The following GLCCI1 variants were observed in gnomAD, a reference collection of about 807,000 sequenced individuals.
GLCCI1 encodes the protein glucocorticoid-induced transcript 1 protein.
A neutral mutation model predicts 52.2 loss-of-function variants in GLCCI1; 24 were observed. The ratio of observed to expected loss-of-function variants is 0.46; its 90% CI spans 0.33 to 0.65. The LOEUF (loss-of-function observed/expected upper bound fraction) is 0.65. GLCCI1 is among the 30% of genes least tolerant of loss of function. The pLI is 0.02. For missense variants in GLCCI1, 704 were observed against 701.5 expected, an observed-to-expected ratio of 1.00 and a Z score of -0.04; for synonymous variants, 310 against 276.5, an observed-to-expected ratio of 1.12 and a Z score of -1.20.
chr7:8,060,890 G>A (rs1021397337), intron 5 of GLCCI1, among the ~76,000 whole-genome samples: 1 of 152,084 alleles, frequency 6.6e-6, no homozygotes, highest in African/African-American at 2.4e-5. Context: ...TTGAGGAACT[G>A]CCAGACTCTT....
At position 8,056,073 on chromosome 7, in the gene GLCCI1, G is replaced by C. The variant is rs372441390; in HGVS notation, c.813+524G>C. ...AGCACTTTGGGAGGCCAAGGCAGGT[G>C]GATCACTTGAGGTCAGGAGTTCGAA... On this transcript the variant is annotated intron_variant, in intron 4 of 7. Coordinates refer to ENST00000223145, the MANE Select transcript of GLCCI1 (RefSeq NM_138426.4). Among the ~76,000 whole-genome samples the C allele has an allele frequency of 7.9e-5, 12 of 151,660 alleles. No individual in the cohort carries two copies. The East Asian group carries it at 2.3e-3, about 29-fold the overall frequency.
At chr7:7,987,649 A>G (rs1033117269) in intron 1 of GLCCI1, among the ~76,000 whole-genome samples, 7 of 152,200 alleles carry the variant, frequency 4.6e-5, no homozygotes, top group Non-Finnish European at 4.4e-5. Context: ...GTGTAATGGC[A>G]TAATCATAGT....
chr7:8,044,353 C>T lies in GLCCI1; in HGVS notation c.697-11080C>T, dbSNP rs527589435. Reference sequence around the variant, plus strand: ...GGATCGAATTAAACAGTATTATATCCATTCCTTTTTGTACTTTTTTTTTTT... The same window carrying T: ...GGATCGAATTAAACAGTATTATATCTATTCCTTTTTGTACTTTTTTTTTTT... On this transcript the variant is annotated intron_variant, in intron 3 of 7. Coordinates refer to ENST00000223145, the MANE Select transcript of GLCCI1 (RefSeq NM_138426.4). Among the ~76,000 whole-genome samples the T allele has an allele frequency of 3.8e-4, 58 of 150,906 alleles. No homozygotes were observed. The South Asian group carries it at 0.012, about 30-fold the overall frequency.
chr7:8,030,676 G>T (rs1463903792), intron 3 of GLCCI1, among the ~76,000 whole-genome samples: 1 of 151,998 alleles, frequency 6.6e-6, no homozygotes, highest in Non-Finnish European at 1.5e-5. Context: ...GGAGCTCAAA[G>T]AACTCCATAT....
intron 2 of GLCCI1, among the ~76,000 whole-genome samples, chr7:8,020,527 C>A (rs550332766): frequency 6.6e-6 from 1 of 152,090 alleles, no homozygotes; most frequent in East Asian, 1.9e-4. Flanking sequence ...TTGCTGTTGG[C>A]GTGCTTGCCA....
At chr7:8,081,176 C>G (rs538493520) in intron 6 of GLCCI1, among the ~76,000 whole-genome samples, 1 of 152,070 alleles carries the variant, frequency 6.6e-6, no homozygotes, top group Non-Finnish European at 1.5e-5. Context: ...TTCAGGTGCA[C>G]GTGGGAGCTT....
In GLCCI1 at chr7:8,086,561, C is replaced by A. The variant is rs1247528463; in HGVS notation, c.*23C>A. 1 of 1,539,682 alleles carries A rather than the reference C, an allele frequency of 6.5e-7. No individual in the cohort carries two copies. Among genetic ancestry groups the A allele is most frequent in the South Asian group, 1.3e-5 (1 of 79,726 alleles). The stretch of plus-strand genomic sequence containing the variant: ...TAAAAAAGGGGGAGCTGGCCTCCAC[C>A]CTATGTTCCATGGATTCGGAACAAG... On this transcript the variant is annotated 3_prime_UTR_variant, in exon 8 of 8. Transcript: ENST00000223145. This position sits in a 1 kb window ranked among gnomAD's most constrained non-coding sequence, Gnocchi z 4.4.
intron 5 of GLCCI1, among the ~76,000 whole-genome samples, chr7:8,068,260 G>C (rs1782677233): frequency 6.6e-6 from 1 of 152,158 alleles, no homozygotes; most frequent in South Asian, 2.1e-4. Flanking sequence ...TGAGGCAGGA[G>C]AATCTCTTGA....
At chr7:8,063,564 T>C (rs927480545) in intron 5 of GLCCI1, among the ~76,000 whole-genome samples, 4 of 151,854 alleles carry the variant, frequency 2.6e-5, no homozygotes, top group African/African-American at 9.7e-5. Flanking sequence ...CACGTGTATA[T>C]CCTTCTTTTG....
chr7:7,996,817 G>C (rs1562421331), intron 1 of GLCCI1, among the ~76,000 whole-genome samples: 1 of 152,158 alleles, frequency 6.6e-6, no homozygotes, highest in Non-Finnish European at 1.5e-5. Context: ...ATTTCTGCAT[G>C]TTTTCTAGAT....
At chr7:8,026,581 G>A (rs1781626447) in intron 3 of GLCCI1, among the ~76,000 whole-genome samples, 1 of 152,266 alleles carries the variant, frequency 6.6e-6, no homozygotes, top group African/African-American at 2.4e-5. Flanking sequence ...TTCCCTGGCA[G>A]CAGTTGTGCG....
At chr7:8,072,537 A>G (rs1450487583) in intron 6 of GLCCI1, among the ~76,000 whole-genome samples, 3 of 152,200 alleles carry the variant, frequency 2.0e-5, no homozygotes, top group Admixed American at 1.3e-4. Context: ...AACACCTTTA[A>G]TCACTTCCTC....
Position 7,969,436 on chromosome 7 carries a change from G to C in GLCCI1, c.86G>C (p.Gly29Ala). 8.0e-7 allele frequency: 1 copy of C among 1,253,010 alleles called. No homozygotes were observed. Among genetic ancestry groups the C allele is most frequent in the Non-Finnish European group, 1.0e-6 (1 of 995,070 alleles). The allele number at this position is 1,253,010 out of a possible 1,614,324, so 77.6% of individuals were successfully genotyped here. A position where few individuals can be genotyped will look rare whatever the true frequency, so the allele number is the denominator to read the frequency against. The stretch of plus-strand genomic sequence containing the variant: ...CAGAGGATGAGGCGCAGCGCCGCGG[G>C]GTCCCCGCCCGCCGTCGCCGCCGCC... ...PSQRMRRSAAGSPPAVAAAGS... is the reference protein window; with the variant it reads ...PSQRMRRSAAASPPAVAAAGS... The change falls in exon 1 of 8, where the codon GGG (glycine) becomes GCG (alanine). Residue 29 changes from glycine to alanine, a missense_variant. Physicochemically the swap from Gly to Ala is moderately conservative, Grantham distance 60 (BLOSUM62 0). This residue lies in a region of GLCCI1 where 547 missense variants were observed against 524.8 expected (regional missense o/e 1.04). Coordinates refer to ENST00000223145, the MANE Select transcript of GLCCI1 (RefSeq NM_138426.4). The surrounding 1 kb of genome is among the most constrained non-coding windows in gnomAD (Gnocchi z 4.9).
At chr7:8,080,783 G>T (rs146706630) in intron 6 of GLCCI1, among the ~76,000 whole-genome samples, 1 of 149,886 alleles carries the variant, frequency 6.7e-6, no homozygotes, top group African/African-American at 2.4e-5. Flanking sequence ...AATATTCAGC[G>T]CTTACTGTGT....
chr7:8,031,629 C>G (rs571797509), intron 3 of GLCCI1, among the ~76,000 whole-genome samples: 1 of 152,070 alleles, frequency 6.6e-6, no homozygotes, highest in Non-Finnish European at 1.5e-5. Context: ...TTATGCATTG[C>G]ATGCCTGTGC....
rs1783171833 is a variant in GLCCI1, at chr7:8,088,704, T to A, written c.*2166T>A. Reference sequence around the variant, plus strand: ...TGGACTGAATATGCTTTTTTGGTGATGAAATCTCATGTACGATATTTATAG... The same window carrying A: ...TGGACTGAATATGCTTTTTTGGTGAAGAAATCTCATGTACGATATTTATAG... On this transcript the variant is annotated 3_prime_UTR_variant, in exon 8 of 8. Coordinates refer to ENST00000223145, the MANE Select transcript of GLCCI1 (RefSeq NM_138426.4). 1.3e-5 allele frequency: 2 copies of A among 152,674 alleles called. No individual in the cohort carries two copies. Among genetic ancestry groups the A allele is most frequent in the African/African-American group, 4.8e-5 (2 of 41,462 alleles). The allele number at this position is 152,674 out of a possible 1,614,324, so 9.5% of individuals were successfully genotyped here.
chr7:8,058,183 G>A (rs1782439937), intron 4 of GLCCI1, among the ~76,000 whole-genome samples: 1 of 152,020 alleles, frequency 6.6e-6, no homozygotes, highest in Non-Finnish European at 1.5e-5. Flanking sequence ...AAAATATGAT[G>A]AAAAATACAA....
intron 3 of GLCCI1, among the ~76,000 whole-genome samples, chr7:8,037,642 A>G (rs1329147064): frequency 3.3e-5 from 5 of 152,196 alleles, no homozygotes; most frequent in Non-Finnish European, 5.9e-5. Flanking sequence ...TATCTTGCTT[A>G]CAAGAAATCC....
intron 1 of GLCCI1, among the ~76,000 whole-genome samples, chr7:7,978,551 G>A (rs1206515415): frequency 1.3e-5 from 2 of 151,900 alleles, no homozygotes; most frequent in African/African-American, 2.4e-5. Context: ...TGTCATTTGT[G>A]CTTACTATAA....
Sources: gnomAD v4.1 joint callset for allele counts (sites outside exome capture counted in the v4.1 genomes callset) on GRCh38, gnomAD v4.1.1 for gene constraint, gnomAD v4.1.1 regional missense constraint, Gnocchi (gnomAD v3.1) non-coding constraint, MANE v1.5 for transcripts, NCBI Gene and HGNC (gene_info 2026-07-23, HGNC 2026-07-21) for gene names.